Variants in MCF2L2 observed in about 807,000 individuals in gnomAD.
The protein encoded by MCF2L2 is MCF.2 cell line derived transforming sequence-like 2.
Under a neutral mutation model 150.2 loss-of-function variants are expected in MCF2L2, and 102 were observed. The observed-to-expected ratio is 0.68, with a 90% CI of 0.58 to 0.80. The LOEUF (loss-of-function observed/expected upper bound fraction) is 0.80. Ranked by LOEUF, MCF2L2 falls within the 30% of genes least tolerant of loss-of-function variation. The pLI, the probability that MCF2L2 is intolerant of heterozygous loss-of-function variation, is 0.00. For missense variants in MCF2L2, 1,256 were observed against 1,372.8 expected (o/e 0.91, Z 1.34); for synonymous variants, 465 against 491.3 (o/e 0.95, Z 0.71).
At chr3:183,228,059 T>A in intron 18 of MCF2L2, 1 of 163,306 alleles carries the variant, frequency 6.1e-6, no homozygotes, top group Non-Finnish European at 1.3e-5. Context: ...TGGTAATGAA[T>A]GTATTCATTA....
rs1721426140 is a variant in MCF2L2, at chr3:183,179,318, C to CA, written c.*61dup. Reference sequence around the variant, plus strand: ...TAGCTGGGCAGGGCCCGGGCCCCCACACCGCCTCTCCCGGGAATGCGGGCG... The same window carrying CA: ...TAGCTGGGCAGGGCCCGGGCCCCCACAACCGCCTCTCCCGGGAATGCGGGCG... On this transcript the variant is annotated 3_prime_UTR_variant, in exon 30 of 30. Transcript: ENST00000328913. This position sits in a 1 kb window ranked among gnomAD's most constrained non-coding sequence, Gnocchi z 4.2. 7.2e-7 allele frequency: 1 copy of CA among 1,383,776 alleles called. No homozygotes were observed. The highest frequency in any genetic ancestry group is 9.3e-7 in the Non-Finnish European group (1 of 1,073,514). The allele number at this position is 1,383,776 out of a possible 1,614,324, so 85.7% of individuals were successfully genotyped here.
At position 183,283,525 on chromosome 3, in the gene MCF2L2, T is replaced by A. The variant is rs182552839; in HGVS notation, c.1776+5595A>T. Among the ~76,000 whole-genome samples, 8 of 151,718 alleles carry A rather than the reference T, an allele frequency of 5.3e-5. No individual in the cohort carries two copies. Among genetic ancestry groups the A allele is most frequent in the African/African-American group, 1.5e-4 (6 of 41,302 alleles). On this transcript the variant is annotated intron_variant, in intron 14 of 29. Coordinates refer to ENST00000328913, the MANE Select transcript of MCF2L2 (RefSeq NM_015078.4). The surrounding 1 kb of genome is among the most constrained non-coding windows in gnomAD (Gnocchi z 4.2). ...TACCCACCTTTCAGAGTTCTATTTA[T>A]TCTTTTTTTTTTTTTAGATGGAGTC...
At chr3:183,255,283 G>A (rs536599142) in intron 15 of MCF2L2, among the ~76,000 whole-genome samples, 28 of 152,330 alleles carry the variant, frequency 1.8e-4, no homozygotes, top group African/African-American at 4.8e-4. Flanking sequence ...AGGGTGATTA[G>A]TGATCAGCAG....
rs397795812 is a variant in MCF2L2 at position 183,305,325 on chromosome 3, C to CTT, written c.1113+4389_1113+4390dup. 2.1e-5 allele frequency among the ~76,000 whole-genome samples: 3 copies of CTT among 146,336 alleles called. No individual in the cohort carries two copies. The highest frequency in any genetic ancestry group is 7.5e-5 in the African/African-American group (3 of 40,064). On this transcript the variant is annotated intron_variant, in intron 10 of 29. Transcript: ENST00000328913. The surrounding 1 kb of genome is among the most constrained non-coding windows in gnomAD (Gnocchi z 4.1). ...CTTGGCATGAAAGTCTCTGTTGACA[C>CTT]TTTTTTTTTTTTTAAGTCCAGCTGC...
At position 183,427,891 on chromosome 3, in the gene MCF2L2, G is replaced by C. The variant is rs202014430; in HGVS notation, c.76+11C>G. 266 of 1,612,934 alleles carry C rather than the reference G, an allele frequency of 1.6e-4. 3 individuals are homozygous for C. In the South Asian group the frequency reaches 2.8e-3, roughly 17 times the overall value. On this transcript the variant is annotated intron_variant, in intron 1 of 29. Transcript: ENST00000328913. Reference sequence around the variant, plus strand: ...TTAATAAAACGCAGGAAAAATTAAAGCTTCGTTTACCGACATGAGTGATCA... The same window carrying C: ...TTAATAAAACGCAGGAAAAATTAAACCTTCGTTTACCGACATGAGTGATCA...
rs753031920 is a variant in MCF2L2, at chr3:183,379,372, G to A, written c.200C>T (p.Pro67Leu). 2 of 1,610,630 alleles carry A rather than the reference G, an allele frequency of 1.2e-6. No individual in the cohort carries two copies. Among genetic ancestry groups the A allele is most frequent in the South Asian group, 1.1e-5 (1 of 90,322 alleles). The change falls in exon 3 of 30, where the codon CCA (proline) becomes CTA (leucine). Residue 67 changes from proline (P) to leucine (L), a missense_variant. Physicochemically the swap from Pro to Leu is moderately conservative, Grantham distance 98. Transcript: ENST00000328913. ...GEDGAPIITF[P>L]EFSGFKHIPD... Reference sequence around the variant, plus strand: ...GATGTGTTTGAACCCCGAAAACTCTGGGAACGTGATGATGGGGGCGCCATC... The same window carrying A: ...GATGTGTTTGAACCCCGAAAACTCTAGGAACGTGATGATGGGGGCGCCATC...
At chr3:183,302,476 A>G (rs1262376063) in intron 10 of MCF2L2, among the ~76,000 whole-genome samples, 1 of 152,120 alleles carries the variant, frequency 6.6e-6, no homozygotes, top group Non-Finnish European at 1.5e-5. Flanking sequence ...CAAGAAGGAA[A>G]TGAGTGGAAG....
rs115691417 is a variant in MCF2L2 at position 183,389,948 on chromosome 3, C to G, written c.77-169G>C. Among the ~76,000 whole-genome samples, 798 of 152,288 alleles carry G rather than the reference C, an allele frequency of 5.2e-3. 7 individuals are homozygous for G. Among genetic ancestry groups the G allele is most frequent in the Middle Eastern group, 0.01 (3 of 294 alleles). ...TGATTGCTGAGATCCAGGGCTGTATCTGGATTTGTGTGCTTTGGAGCTTAT... is the reference window on the plus strand; with the variant it reads ...TGATTGCTGAGATCCAGGGCTGTATGTGGATTTGTGTGCTTTGGAGCTTAT... On this transcript the variant is annotated intron_variant, in intron 1 of 29. Coordinates refer to ENST00000328913, the MANE Select transcript of MCF2L2 (RefSeq NM_015078.4).
At position 183,421,834 on chromosome 3, in the gene MCF2L2, T is replaced by A. The variant is rs534804692; in HGVS notation, c.76+6068A>T. On this transcript the variant is annotated intron_variant, in intron 1 of 29. Transcript: ENST00000328913. ...TTGTTTGTTTGCTTGTTTAGTGACA[T>A]AGCTAGACTGTTTTAGTGAAGTATA... Among the ~76,000 whole-genome samples, 4 of 152,374 alleles carry A rather than the reference T, an allele frequency of 2.6e-5. No homozygotes were observed. The South Asian group carries it at 6.2e-4, about 24-fold the overall frequency.
intron 10 of MCF2L2, among the ~76,000 whole-genome samples, chr3:183,300,730 G>C (rs1406789407): frequency 6.6e-6 from 1 of 152,058 alleles, no homozygotes; most frequent in Non-Finnish European, 1.5e-5. Flanking sequence ...AAATATGCTT[G>C]TCTAGGCTGG....
chr3:183,330,261 A>G lies in MCF2L2; in HGVS notation c.487-6910T>C, dbSNP rs552582393. Among the ~76,000 whole-genome samples the G allele has an allele frequency of 6.0e-4, 91 of 151,116 alleles. 1 individual carries two copies. Among genetic ancestry groups the G allele is most frequent in the East Asian group, 5.2e-3 (27 of 5,154 alleles). ...CCCTGTCTTGAAAAAAAAAAAAAAAAAAGAAGAAGAAAAAAAGGAAAGGAA... is the reference window on the plus strand; with the variant it reads ...CCCTGTCTTGAAAAAAAAAAAAAAAGAAGAAGAAGAAAAAAAGGAAAGGAA... On this transcript the variant is annotated intron_variant, in intron 5 of 29. Transcript: ENST00000328913.
At chr3:183,269,963 T>C in intron 15 of MCF2L2, 4 of 1,614,174 alleles carry the variant, frequency 2.5e-6, no homozygotes, top group Non-Finnish European at 3.4e-6. Context: ...TAAATAGCTA[T>C]GACTTTGTGA....
At chr3:183,211,146 AG>A (rs1047750336) in intron 22 of MCF2L2, among the ~76,000 whole-genome samples, 4 of 152,082 alleles carry the variant, frequency 2.6e-5, no homozygotes, top group African/African-American at 7.2e-5. Flanking sequence ...AGGTGGTAAG[AG>A]GGGGGGCGAG....
At chr3:183,412,284 TTTGTTTG>T (rs1034322857) in intron 1 of MCF2L2, among the ~76,000 whole-genome samples, 1 of 145,498 alleles carries the variant, frequency 6.9e-6, no homozygotes, top group African/African-American at 2.8e-5. Flanking sequence ...TGTTTGTTTG[TTTGTTTG>T]TTGTTGTTGT....
chr3:183,297,642 C>CCTTCCTCCCTTCCTTCCTTCCTT, intron 11 of MCF2L2: 1 of 146,230 alleles, frequency 6.8e-6, no homozygotes, highest in African/African-American at 2.6e-5. Flanking sequence ...CTTCCTTCCT[C>CCTTCCTCCCTTCCTTCCTTCCTT]CCTTCCTTCC....
intron 25 of MCF2L2, among the ~76,000 whole-genome samples, chr3:183,198,233 G>GA: frequency 6.6e-6 from 1 of 152,120 alleles, no homozygotes; most frequent in African/African-American, 2.4e-5. Flanking sequence ...GCCAAACAAT[G>GA]AAATACTACT....
At chr3:183,246,695 T>C (rs1319046960) in intron 15 of MCF2L2, among the ~76,000 whole-genome samples, 5 of 152,326 alleles carry the variant, frequency 3.3e-5, no homozygotes, top group East Asian at 1.9e-4. Context: ...ATTTTGGGCA[T>C]ATACCTAGAA....
intron 1 of MCF2L2, among the ~76,000 whole-genome samples, chr3:183,426,033 AC>A (rs1393000783): frequency 1.3e-5 from 2 of 152,158 alleles, no homozygotes; most frequent in Non-Finnish European, 2.9e-5. Context: ...TGAGTACCCC[AC>A]CCATTTCACA....
chr3:183,335,698 T>C (rs937983284), intron 5 of MCF2L2, among the ~76,000 whole-genome samples: 3 of 134,616 alleles, frequency 2.2e-5, no homozygotes, highest in East Asian at 2.1e-4. Flanking sequence ...CAAAACCCCC[T>C]CTCTAAAAAA....
Sources: gnomAD v4.1 joint callset for allele counts (sites outside exome capture counted in the v4.1 genomes callset) on GRCh38, gnomAD v4.1.1 for gene constraint, Gnocchi (gnomAD v3.1) non-coding constraint, MANE v1.5 for transcripts, NCBI Gene and HGNC (gene_info 2026-07-23, HGNC 2026-07-21) for gene names.